Variants in AGK observed in about 807,000 individuals in gnomAD.
AGK encodes the protein acylglycerol kinase.
Under a neutral mutation model 66.4 loss-of-function variants are expected in AGK, and 52 were observed. The ratio of observed to expected loss-of-function variants is 0.78; its 90% confidence interval spans 0.63 to 0.99. The LOEUF (loss-of-function observed/expected upper bound fraction) is 0.99, where lower values mean the gene tolerates loss of function less well. Among genes scored for constraint, AGK ranks in the 50% least tolerant of loss-of-function variants. The pLI, the probability that AGK is intolerant of heterozygous loss-of-function variation, is 0.00. For synonymous variants in AGK, 182 were observed against 181.1 expected, an observed-to-expected ratio of 1.00 and a Z score of -0.04; for missense variants, 451 against 506.6, an observed-to-expected ratio of 0.89 and a Z score of 1.05.
intron 2 of AGK, among the ~76,000 whole-genome samples, chr7:141,557,475 C>G (rs1050281582): frequency 1.8e-4 from 28 of 152,340 alleles, no homozygotes; most frequent in African/African-American, 6.5e-4. Flanking sequence ...ATGGCTAGGT[C>G]AGTCGGGGAA....
Position 141,555,430 on chromosome 7 carries a change from T to C in AGK, c.-14-23T>C. ...ACCATGGATAAATTATATTTTTTTC[T>C]CTTTCCGCCTCTACTAACCTAGCAA... is the stretch of plus-strand genomic sequence containing the variant. On this transcript the variant is annotated intron_variant, in intron 1 of 15. Transcript: ENST00000649286. The surrounding 1 kb of genome is among the most constrained non-coding windows in gnomAD (Gnocchi z 4.2). The C allele has an allele frequency of 6.6e-7, 1 of 1,512,300 alleles. No individual in the cohort carries two copies. Among genetic ancestry groups the C allele is most frequent in the Non-Finnish European group, 9.1e-7 (1 of 1,093,420 alleles). The allele number at this position is 1,512,300 out of a possible 1,614,324, so 93.7% of individuals were successfully genotyped here. A position where few individuals can be genotyped will look rare whatever the true frequency, so the allele number is the denominator to read the frequency against.
intron 2 of AGK, among the ~76,000 whole-genome samples, chr7:141,565,136 C>G (rs1051897118): frequency 6.6e-6 from 1 of 152,160 alleles, no homozygotes; most frequent in Non-Finnish European, 1.5e-5. Flanking sequence ...ATGATCTAAT[C>G]ACTCATGATG....
At position 141,578,392 on chromosome 7, in the gene AGK, T is replaced by C. The variant is rs1051579063; in HGVS notation, c.102-14754T>C. ...CGGCCATTTTCACTTCTTTTGTGAT[T>C]CTTCACTTGCTTCGGGCCATCTGGA... On this transcript the variant is annotated intron_variant, in intron 2 of 15. Transcript: ENST00000649286. Among the ~76,000 whole-genome samples, 15 of 151,962 alleles carry C rather than the reference T, an allele frequency of 9.9e-5. 1 individual carries two copies. Among genetic ancestry groups the C allele is most frequent in the African/African-American group, 3.6e-4 (15 of 41,240 alleles).
chr7:141,624,226 A>G (rs1349573845), intron 9 of AGK, among the ~76,000 whole-genome samples: 2 of 152,180 alleles, frequency 1.3e-5, no homozygotes, highest in East Asian at 1.9e-4. Flanking sequence ...TCAACTTTCA[A>G]GTTTTATTAT....
At chr7:141,556,407 G>A (rs1207528117) in intron 2 of AGK, among the ~76,000 whole-genome samples, 2 of 152,026 alleles carry the variant, frequency 1.3e-5, no homozygotes, top group African/African-American at 4.8e-5. Context: ...AGGCAGTAGT[G>A]GCGTGCACCT....
chr7:141,604,766 T>C (rs1472353625), intron 5 of AGK, among the ~76,000 whole-genome samples: 1 of 151,890 alleles, frequency 6.6e-6, no homozygotes, highest in Non-Finnish European at 1.5e-5. Flanking sequence ...GTATTTTTAA[T>C]AGAGACAAGG....
At chr7:141,564,393 T>C (rs1232872618) in intron 2 of AGK, among the ~76,000 whole-genome samples, 2 of 152,008 alleles carry the variant, frequency 1.3e-5, no homozygotes, top group African/African-American at 4.8e-5. Context: ...ACATCCTCCT[T>C]CACATGATGA....
chr7:141,624,731 C>T (rs1438074907), intron 9 of AGK, among the ~76,000 whole-genome samples: 1 of 152,116 alleles, frequency 6.6e-6, no homozygotes. Context: ...GAATGTAATC[C>T]TGGTGAGGAT....
intron 2 of AGK, among the ~76,000 whole-genome samples, chr7:141,573,369 AT>A (rs1348488019): frequency 1.3e-5 from 2 of 152,046 alleles, no homozygotes; most frequent in South Asian, 2.1e-4. Context: ...TAAAAAAAAA[AT>A]CTATATATTT....
chr7:141,573,743 C>T (rs1226473862), intron 2 of AGK, among the ~76,000 whole-genome samples: 2 of 152,130 alleles, frequency 1.3e-5, no homozygotes, highest in Non-Finnish European at 2.9e-5. Context: ...GGCAGAGGGA[C>T]GTGGGGACAT....
At chr7:141,651,810 G>C (rs1241993282) in intron 15 of AGK, among the ~76,000 whole-genome samples, 1 of 152,204 alleles carries the variant, frequency 6.6e-6, no homozygotes, top group East Asian at 1.9e-4. Context: ...CATGGATTTA[G>C]AGTTGGACTT....
At position 141,611,245 on chromosome 7, in the gene AGK, G is replaced by C; in HGVS notation, c.348G>C (p.Thr116=). The C allele has an allele frequency of 6.2e-7, 1 of 1,613,534 alleles. No homozygotes were observed. Among genetic ancestry groups the C allele is most frequent in the Non-Finnish European group, 8.5e-7 (1 of 1,179,670 alleles). Residue 116 remains threonine (T), a synonymous_variant, in exon 6 of 16, where the codon ACG becomes ACC. Transcript: ENST00000649286. ...AKKLLELMEN[T]DVIIVAGGDG... is the part of the protein sequence containing the mutation. The stretch of plus-strand genomic sequence containing the variant: ...AACTCCTGGAACTGATGGAAAACAC[G>C]GATGTGATCATTGTTGCAGGAGGAG...
chr7:141,593,039 T>C, intron 2 of AGK, 107 bp from the exon 3 acceptor site: 2 of 919,416 alleles, frequency 2.2e-6, no homozygotes, highest in South Asian at 2.9e-5. Context: ...CACTGGGGTG[T>C]TTTTAGAGAA....
At position 141,582,968 on chromosome 7, in the gene AGK, A is replaced by G. The variant is rs183665225; in HGVS notation, c.102-10178A>G. Among the ~76,000 whole-genome samples, 8 of 151,940 alleles carry G rather than the reference A, an allele frequency of 5.3e-5. No homozygotes were observed. In the East Asian group the frequency reaches 1.5e-3, roughly 29 times the overall value. ...TACTTGGGGTTGGGACTGAGGGGAC[A>G]GGCAGGAGGGAAAGAAGGAAGATTT... On this transcript the variant is annotated intron_variant, in intron 2 of 15. Coordinates refer to ENST00000649286, the MANE Select transcript of AGK (RefSeq NM_018238.4).
chr7:141,566,805 T>C (rs1302458317), intron 2 of AGK, among the ~76,000 whole-genome samples: 1 of 152,196 alleles, frequency 6.6e-6, no homozygotes. Context: ...AGTCTCAGAC[T>C]TTCAGTTTCT....
intron 8 of AGK, among the ~76,000 whole-genome samples, chr7:141,619,231 A>G (rs1420419489): frequency 6.6e-6 from 1 of 152,194 alleles, no homozygotes; most frequent in Non-Finnish European, 1.5e-5. Flanking sequence ...AGGAAGCAGA[A>G]TAATCAAAAT....
chr7:141,607,382 G>A (rs1468418821), intron 5 of AGK, among the ~76,000 whole-genome samples: 1 of 152,032 alleles, frequency 6.6e-6, no homozygotes, highest in African/African-American at 2.4e-5. Context: ...GTTTTAATTT[G>A]CAATTCCCTA....
intron 1 of AGK, among the ~76,000 whole-genome samples, chr7:141,553,874 GT>G (rs553670464): frequency 4.7e-5 from 7 of 149,700 alleles, no homozygotes; most frequent in Middle Eastern, 3.5e-3. Context: ...AGTGGAAACA[GT>G]TTTTTTTTTC....
At chr7:141,565,422 G>A (rs1455349800) in intron 2 of AGK, among the ~76,000 whole-genome samples, 3 of 152,036 alleles carry the variant, frequency 2.0e-5, no homozygotes, top group East Asian at 1.9e-4. Context: ...AGGCCGAGGC[G>A]GGCAGATCAA....
Sources: gnomAD v4.1 joint callset for allele counts (sites outside exome capture counted in the v4.1 genomes callset) on GRCh38, gnomAD v4.1.1 for gene constraint, Gnocchi (gnomAD v3.1) non-coding constraint, MANE v1.5 for transcripts, NCBI Gene and HGNC (gene_info 2026-07-23, HGNC 2026-07-21) for gene names.